SLC25A21: variants seen among roughly 807,000 people sequenced by gnomAD.
SLC25A21 encodes mitochondrial 2-oxodicarboxylate carrier.
SLC25A21 carries 47 observed loss-of-function variants against 43.8 expected under a neutral mutation model. The observed-to-expected ratio is 1.07, with a 90% CI of 0.85 to 1.37. The LOEUF is 1.37. Ranked by LOEUF, SLC25A21 falls within the 40% of genes most tolerant of loss-of-function variation. The pLI, the probability that SLC25A21 is intolerant of heterozygous loss-of-function variation, is 0.00. For missense variants in SLC25A21, 352 were observed against 350.2 expected, an observed-to-expected ratio of 1.00 and a Z score of -0.04; for synonymous variants, 131 against 121.3, an observed-to-expected ratio of 1.08 and a Z score of -0.52.
intron 1 of SLC25A21, among the ~76,000 whole-genome samples, chr14:37,139,856 A>G (rs1471818193): frequency 6.6e-6 from 1 of 152,240 alleles, no homozygotes; most frequent in African/African-American, 2.4e-5. Flanking sequence ...CACCAACAGG[A>G]TATCTTCAGA....
chr14:37,045,881 C>G (rs933562149), intron 1 of SLC25A21, among the ~76,000 whole-genome samples: 4 of 152,140 alleles, frequency 2.6e-5, no homozygotes, highest in Non-Finnish European at 4.4e-5. Flanking sequence ...TCTCATAGTA[C>G]TTGGGAATAT....
chr14:36,977,706 C>A (rs1959911197), intron 1 of SLC25A21, among the ~76,000 whole-genome samples: 1 of 152,072 alleles, frequency 6.6e-6, no homozygotes, highest in South Asian at 2.1e-4. Context: ...GTATACGACA[C>A]TATTATTTAT....
chr14:36,679,714 T>C lies in SLC25A21; in HGVS notation c.*944A>G, dbSNP rs1012976199. On this transcript the variant is annotated 3_prime_UTR_variant, in exon 10 of 10. Coordinates refer to ENST00000331299, the MANE Select transcript of SLC25A21 (RefSeq NM_030631.4). ...TAATAACCTGAAAATGCAGTTCTGT[T>C]CTATACATTCTTCCTAAAAATGGCA... The C allele has an allele frequency of 7.1e-6, 7 of 985,320 alleles. No homozygotes were observed. In the African/African-American group the frequency reaches 1.2e-4, roughly 17 times the overall value. 61.0% of individuals were successfully genotyped at this position (985,320 alleles called of 1,614,324 possible).
At chr14:36,841,594 T>C (rs570872345) in intron 2 of SLC25A21, among the ~76,000 whole-genome samples, 1 of 152,248 alleles carries the variant, frequency 6.6e-6, no homozygotes, top group African/African-American at 2.4e-5. Flanking sequence ...GGATCTGCAT[T>C]AATTCACAGC....
intron 1 of SLC25A21, among the ~76,000 whole-genome samples, chr14:37,072,468 C>T (rs1417967989): frequency 1.3e-5 from 2 of 151,958 alleles, no homozygotes; most frequent in Non-Finnish European, 1.5e-5. Flanking sequence ...AAAGAGAGTC[C>T]TAAGAAGAAT....
chr14:37,043,286 A>T (rs1594766603), intron 1 of SLC25A21, among the ~76,000 whole-genome samples: 1 of 152,340 alleles, frequency 6.6e-6, no homozygotes, highest in African/African-American at 2.4e-5. Flanking sequence ...GATTTAAATG[A>T]AAACTGCAAT....
intron 2 of SLC25A21, among the ~76,000 whole-genome samples, chr14:36,855,490 G>GC (rs1031833308): frequency 6.6e-6 from 1 of 152,176 alleles, no homozygotes. Context: ...CTCATCTGTG[G>GC]CTTCCTCACC....
At chr14:37,101,758 T>A (rs544455759) in intron 1 of SLC25A21, among the ~76,000 whole-genome samples, 37 of 152,278 alleles carry the variant, frequency 2.4e-4, no homozygotes, top group African/African-American at 8.9e-4. Context: ...CAAAAGCCCA[T>A]ATAGGTATAG....
intron 1 of SLC25A21, among the ~76,000 whole-genome samples, chr14:37,035,784 C>T (rs1338312471): frequency 6.6e-6 from 1 of 152,204 alleles, no homozygotes; most frequent in East Asian, 1.9e-4. Flanking sequence ...TCCTAATGGG[C>T]CGCCAATGGT....
At chr14:36,802,808 C>CA (rs1017100787) in intron 3 of SLC25A21, among the ~76,000 whole-genome samples, 2 of 152,146 alleles carry the variant, frequency 1.3e-5, no homozygotes, top group African/African-American at 4.8e-5. Context: ...GAAATATGCA[C>CA]AGACAAATTG....
intron 1 of SLC25A21, among the ~76,000 whole-genome samples, chr14:37,013,731 C>T (rs1301776510): frequency 3.3e-5 from 5 of 152,076 alleles, no homozygotes; most frequent in South Asian, 4.1e-4. Context: ...AGTAGGCCAG[C>T]GTTTATTTCC....
At chr14:36,733,421 G>A (rs147828601) in intron 4 of SLC25A21, among the ~76,000 whole-genome samples, 137 of 152,290 alleles carry the variant, frequency 9.0e-4, no homozygotes, top group African/African-American at 3.1e-3. Context: ...AACAAAGAGG[G>A]TGAGTTTATA....
intron 2 of SLC25A21, among the ~76,000 whole-genome samples, chr14:36,820,864 A>G (rs969758827): frequency 9.2e-5 from 14 of 152,206 alleles, no homozygotes; most frequent in African/African-American, 3.4e-4. Flanking sequence ...TTACCTGAAT[A>G]TTACACGTGT....
At chr14:37,101,066 A>G (rs780195330) in intron 1 of SLC25A21, among the ~76,000 whole-genome samples, 1 of 152,214 alleles carries the variant, frequency 6.6e-6, no homozygotes, top group African/African-American at 2.4e-5. Context: ...CAGATACACT[A>G]TCTTTCTAAA....
At chr14:36,853,727 G>A (rs1889813743) in intron 2 of SLC25A21, among the ~76,000 whole-genome samples, 1 of 152,142 alleles carries the variant, frequency 6.6e-6, no homozygotes, top group Non-Finnish European at 1.5e-5. Flanking sequence ...CTGGACCAGC[G>A]ACAAATGCCA....
In SLC25A21 at chr14:37,078,426, GTCCACCACA is replaced by G. The variant is rs1962324719; in HGVS notation, c.70+93846_70+93854del. On this transcript the variant is annotated intron_variant, in intron 1 of 9. Transcript: ENST00000331299. ...GATGATACGTCAGGATAAGGAATAG[GTCCACCACA>G]TGGTGGACCTATTTAAGAAGGAAGG... 3.3e-5 allele frequency among the ~76,000 whole-genome samples: 5 copies of G among 152,072 alleles called. No homozygotes were observed. In the South Asian group the frequency reaches 1.0e-3, roughly 32 times the overall value.
chr14:36,813,847 T>TA, intron 3 of SLC25A21, 71 bp downstream of exon 3: 1 of 1,159,126 alleles, frequency 8.6e-7, no homozygotes, highest in Non-Finnish European at 1.3e-6. Context: ...ACTAGGAAAA[T>TA]AAACCATTCG....
chr14:37,153,353 A>C (rs1467876165), intron 1 of SLC25A21, among the ~76,000 whole-genome samples: 2 of 152,242 alleles, frequency 1.3e-5, no homozygotes, highest in Non-Finnish European at 2.9e-5. Flanking sequence ...AATGAGGAGT[A>C]AGATGGGAGC....
intron 1 of SLC25A21, among the ~76,000 whole-genome samples, chr14:37,054,597 C>T (rs1961780658): frequency 1.3e-5 from 2 of 152,010 alleles, no homozygotes; most frequent in Admixed American, 6.6e-5. Flanking sequence ...ATATGAAGGG[C>T]TCTCAGGAGA....
Sources: allele counts gnomAD v4.1 joint callset (sites outside exome capture counted in the v4.1 genomes callset), GRCh38; gene constraint gnomAD v4.1.1; transcripts MANE v1.5; gene names NCBI Gene and HGNC (gene_info 2026-07-23, HGNC 2026-07-21).